MAK: variants seen among roughly 807,000 people sequenced by gnomAD.
MAK encodes the protein serine/threonine-protein kinase MAK.
A neutral mutation model predicts 82.6 loss-of-function variants in MAK; 65 were observed. That is an observed-to-expected ratio of 0.79 (90% CI 0.64 to 0.97). MAK has a LOEUF of 0.97. MAK is among the 50% of genes least tolerant of loss of function. The pLI is 0.00. For missense variants in MAK, 703 were observed against 780.2 expected (o/e 0.90, Z 1.18); for synonymous variants, 250 against 274.2 (o/e 0.91, Z 0.87).
chr6:10,825,005 G>T (rs925546806), intron 2 of MAK, among the ~76,000 whole-genome samples: 3 of 152,172 alleles, frequency 2.0e-5, no homozygotes, highest in Non-Finnish European at 4.4e-5. Flanking sequence ...TCCTTTGGAA[G>T]AGAGACCACG....
At chr6:10,787,970 A>C (rs1450006632) in intron 10 of MAK, among the ~76,000 whole-genome samples, 1 of 152,112 alleles carries the variant, frequency 6.6e-6, no homozygotes, top group Non-Finnish European at 1.5e-5. Context: ...GAAATTTACT[A>C]ATTGTTCCCT....
chr6:10,817,936 T>C lies in MAK; in HGVS notation c.192A>G (p.Lys64=). The C allele has an allele frequency of 7.0e-7, 1 of 1,418,502 alleles. No individual in the cohort carries two copies. The highest frequency in any genetic ancestry group is 9.8e-7 in the Non-Finnish European group (1 of 1,020,892). The allele number at this position is 1,418,502 out of a possible 1,614,324, so 87.9% of individuals were successfully genotyped here. A position where few individuals can be genotyped will look rare whatever the true frequency, so the allele number is the denominator to read the frequency against. ...CATTTTCTCTGATAACTTCTTTCAA[T>C]TTAATAACATTGGCATGATTAAGTT... The part of the protein sequence containing the change: ...LKKLNHANVI[K]LKEVIRENDH... Residue 64 remains lysine (K), a synonymous_variant, in exon 4 of 15, where the codon AAA becomes AAG. Transcript: ENST00000354489.
chr6:10,833,828 G>A (rs939201609), intron 1 of MAK, among the ~76,000 whole-genome samples: 10 of 152,032 alleles, frequency 6.6e-5, no homozygotes, highest in African/African-American at 2.2e-4. Context: ...ATAATCATAA[G>A]TACCAGCAAA....
At chr6:10,821,206 C>T (rs1454003380) in intron 2 of MAK, among the ~76,000 whole-genome samples, 1 of 152,204 alleles carries the variant, frequency 6.6e-6, no homozygotes, top group Non-Finnish European at 1.5e-5. Context: ...ACCTCGGCCT[C>T]TCAAAGTGCT....
chr6:10,788,901 T>C (rs1774832329), intron 10 of MAK, among the ~76,000 whole-genome samples: 1 of 152,192 alleles, frequency 6.6e-6, no homozygotes, highest in South Asian at 2.1e-4. Flanking sequence ...TTGTTCCTTA[T>C]TTCTTGTTAA....
At chr6:10,829,649 A>G (rs1310980369) in intron 2 of MAK, among the ~76,000 whole-genome samples, 1 of 152,228 alleles carries the variant, frequency 6.6e-6, no homozygotes, top group East Asian at 1.9e-4. Context: ...GTCCAAATGT[A>G]TTATACATAT....
At chr6:10,799,603 CT>C (rs1036573722) in intron 8 of MAK, among the ~76,000 whole-genome samples, 23 of 152,158 alleles carry the variant, frequency 1.5e-4, no homozygotes, top group African/African-American at 5.3e-4. Flanking sequence ...AGAAACAAAA[CT>C]TTCAAAAAAT....
In MAK at chr6:10,776,744, T is replaced by C. The variant is rs977434847; in HGVS notation, c.1466-1285A>G. On this transcript the variant is annotated intron_variant, in intron 11 of 14. Coordinates refer to ENST00000354489, the MANE Select transcript of MAK (RefSeq NM_001242957.3). The surrounding 1 kb of genome is among the most constrained non-coding windows in gnomAD (Gnocchi z 4.3). The stretch of plus-strand genomic sequence containing the variant: ...TCATCAGGCAAGTAATTTCCCTTTC[T>C]TTATAGGATATAACTTCCCTAATAA... Among the ~76,000 whole-genome samples, 17 of 152,236 alleles carry C rather than the reference T, an allele frequency of 1.1e-4. No individual in the cohort carries two copies. The highest frequency in any genetic ancestry group is 3.9e-4 in the African/African-American group (16 of 41,466).
intron 1 of MAK, among the ~76,000 whole-genome samples, chr6:10,836,698 C>A (rs1430790599): frequency 6.6e-6 from 1 of 152,134 alleles, no homozygotes; most frequent in Non-Finnish European, 1.5e-5. Flanking sequence ...AACACAGTTT[C>A]TTATGTACAT....
At chr6:10,795,955 G>A (rs1302790934) in intron 9 of MAK, 43 bp downstream of exon 9, 2 of 1,582,666 alleles carry the variant, frequency 1.3e-6, no homozygotes, top group East Asian at 2.3e-5. Flanking sequence ...TTAATTGCAC[G>A]AGTCAAACTA....
intron 14 of MAK, among the ~76,000 whole-genome samples, chr6:10,765,471 T>TTTTTTTTTTTTTTTTA (rs1561923828): frequency 1.0e-4 from 12 of 114,954 alleles, no homozygotes; most frequent in African/African-American, 4.1e-4. Flanking sequence ...TTTTTTTTTT[T>TTTTTTTTTTTTTTTTA]TTAATGAGGC....
At chr6:10,833,485 G>A (rs1581783115) in intron 1 of MAK, among the ~76,000 whole-genome samples, 1 of 152,026 alleles carries the variant, frequency 6.6e-6, no homozygotes, top group Admixed American at 6.6e-5. Flanking sequence ...CAGGCCTGTA[G>A]CCCTAGTTAC....
intron 6 of MAK, among the ~76,000 whole-genome samples, chr6:10,806,334 T>TTTTTTTGTTTTTA (rs140829641): frequency 2.0e-5 from 3 of 148,436 alleles, no homozygotes; most frequent in African/African-American, 7.5e-5. Flanking sequence ...CCTGGCTAAT[T>TTTTTTTGTTTTTA]TTTTTTGTTT....
chr6:10,771,212 T>G (rs1444344651), intron 13 of MAK, among the ~76,000 whole-genome samples: 1 of 150,376 alleles, frequency 6.6e-6, no homozygotes, highest in African/African-American at 2.5e-5. Context: ...AGACCTGGAG[T>G]AGACCCCCAA....
intron 12 of MAK, among the ~76,000 whole-genome samples, chr6:10,775,108 A>G (rs1335443250): frequency 1.3e-5 from 2 of 152,166 alleles, no homozygotes; most frequent in South Asian, 2.1e-4. Flanking sequence ...GTGAACCACC[A>G]TGCTCATCCA....
chr6:10,804,070 T>A (rs1776222806), intron 6 of MAK, among the ~76,000 whole-genome samples, 179 bp from the exon 7 acceptor site: 1 of 152,180 alleles, frequency 6.6e-6, no homozygotes, highest in Non-Finnish European at 1.5e-5. Context: ...CAACACATGT[T>A]CCCTGATCAC....
At chr6:10,819,405 G>A (rs984413522) in intron 2 of MAK, among the ~76,000 whole-genome samples, 1 of 152,134 alleles carries the variant, frequency 6.6e-6, no homozygotes, top group African/African-American at 2.4e-5. Context: ...GTTGAGGTGG[G>A]CGGATCACAA....
intron 7 of MAK, among the ~76,000 whole-genome samples, chr6:10,803,347 C>A (rs946956326): frequency 3.9e-5 from 6 of 151,920 alleles, no homozygotes; most frequent in African/African-American, 7.3e-5. Flanking sequence ...GAGTTCAAGA[C>A]CAGCCTGGCC....
rs1581707757 is a variant in MAK at position 10,800,780 on chromosome 6, C to T, written c.831+1112G>A. On this transcript the variant is annotated intron_variant, in intron 8 of 14. Transcript: ENST00000354489. This position sits in a 1 kb window ranked among gnomAD's most constrained non-coding sequence, Gnocchi z 4.2. ...ACTTGAACCCAGGAGGCAGAGGTTG[C>T]GGTGAGCCGAGATCATGCCATTGCA... Among the ~76,000 whole-genome samples the T allele has an allele frequency of 2.0e-5, 3 of 152,216 alleles. No individual in the cohort carries two copies. In the Middle Eastern group the frequency reaches 0.01, roughly 518 times the overall value.
Sources: gnomAD v4.1 joint callset for allele counts (sites outside exome capture counted in the v4.1 genomes callset) on GRCh38, gnomAD v4.1.1 for gene constraint, Gnocchi (gnomAD v3.1) non-coding constraint, MANE v1.5 for transcripts, NCBI Gene and HGNC (gene_info 2026-07-23, HGNC 2026-07-21) for gene names.